The following OSTN variants were observed in gnomAD, a reference collection of about 807,000 sequenced individuals.
The protein encoded by OSTN is osteocrin.
In OSTN, 9 loss-of-function variants were observed where a neutral mutation model predicts 12.0. The observed-to-expected ratio is 0.75, with a 90% CI of 0.45 to 1.30. OSTN has a LOEUF of 1.30. OSTN is among the 50% of genes most tolerant of loss of function. The pLI, the probability that OSTN is intolerant of heterozygous loss-of-function variation, is 0.00. For missense variants in OSTN, 148 were observed against 152.3 expected, an observed-to-expected ratio of 0.97 and a Z score of 0.15; for synonymous variants, 59 against 56.9, an observed-to-expected ratio of 1.04 and a Z score of -0.16.
At chr3:191,249,830 A>G (rs1008447661) in intron 3 of OSTN, among the ~76,000 whole-genome samples, 1 of 152,158 alleles carries the variant, frequency 6.6e-6, no homozygotes, top group Non-Finnish European at 1.5e-5. Context: ...GTTTCCTCAT[A>G]TGTAAAATGG....
intron 3 of OSTN, among the ~76,000 whole-genome samples, chr3:191,221,849 C>T (rs1233086968): frequency 1.3e-5 from 2 of 152,210 alleles, no homozygotes; most frequent in Non-Finnish European, 2.9e-5. Flanking sequence ...TTCACAGCAG[C>T]CCCTCCCATC....
intron 3 of OSTN, among the ~76,000 whole-genome samples, chr3:191,234,991 T>C (rs1167460961): frequency 3.3e-5 from 5 of 152,142 alleles, no homozygotes; most frequent in Admixed American, 2.0e-4. Flanking sequence ...GCCAGCAAAA[T>C]TATACACATT....
chr3:191,243,171 T>C lies in OSTN; in HGVS notation c.318-6866T>C, dbSNP rs112407707. ...CCACAATACAAGGATTAGCATAAAT[T>C]TGAAATAATAGGAACTATCATACAC... On this transcript the variant is annotated intron_variant, in intron 3 of 4. Coordinates refer to ENST00000682035, the MANE Select transcript of OSTN (RefSeq NM_198184.2). Among the ~76,000 whole-genome samples, 781 of 152,226 alleles carry C rather than the reference T, an allele frequency of 5.1e-3. 7 individuals are homozygous for C. The highest frequency in any genetic ancestry group is 0.018 in the African/African-American group (752 of 41,530).
rs1429281316 is a variant in OSTN at position 191,263,528 on chromosome 3, A to C, written c.*675A>C. On this transcript the variant is annotated 3_prime_UTR_variant, in exon 5 of 5. Coordinates refer to ENST00000682035, the MANE Select transcript of OSTN (RefSeq NM_198184.2). ...TTTCTAAATTCTGACAGTTAAGAGC[A>C]GTAGTGTCTCATTAGGAGGGGAGTA... 2 of 152,200 alleles carry C rather than the reference A, an allele frequency of 1.3e-5. No individual in the cohort carries two copies. The highest frequency in any genetic ancestry group is 6.5e-5 in the Admixed American group (1 of 15,286). 9.4% of individuals were successfully genotyped at this position (152,200 alleles called of 1,614,324 possible). A position where few individuals can be genotyped will look rare whatever the true frequency, so the allele number is the denominator to read the frequency against.
At chr3:191,217,172 A>G (rs370574778) in intron 2 of OSTN, 1 of 152,282 alleles carries the variant, frequency 6.6e-6, no homozygotes, top group South Asian at 2.1e-4. Context: ...GAATGAATGC[A>G]GGAGGAACTG....
intron 3 of OSTN, among the ~76,000 whole-genome samples, chr3:191,241,167 CTTT>C (rs575332839): frequency 1.8e-3 from 82 of 46,418 alleles, no homozygotes; most frequent in African/African-American, 3.4e-3. Context: ...TGTGCCTTGA[CTTT>C]TTTTTTTTTT....
intron 3 of OSTN, among the ~76,000 whole-genome samples, chr3:191,219,470 C>T (rs76336572): frequency 6.6e-6 from 1 of 152,118 alleles, no homozygotes; most frequent in Non-Finnish European, 1.5e-5. Flanking sequence ...GTATCTTATC[C>T]TCTCTGATCC....
rs780883425 is a variant in OSTN, at chr3:191,262,989, C to T, written c.*136C>T. On this transcript the variant is annotated 3_prime_UTR_variant, in exon 5 of 5. Transcript: ENST00000682035. ...CTGCAAATCCTTTCCAAAGCTTGAA[C>T]TTCAGTCCATCACATTACAGCATTG... 3.0e-6 allele frequency: 2 copies of T among 662,608 alleles called. No individual in the cohort carries two copies. The highest frequency in any genetic ancestry group is 5.6e-6 in the Non-Finnish European group (2 of 360,230). 41.0% of individuals were successfully genotyped at this position (662,608 alleles called of 1,614,324 possible).
chr3:191,226,405 G>T (rs1438773871), intron 3 of OSTN, among the ~76,000 whole-genome samples: 1 of 152,130 alleles, frequency 6.6e-6, no homozygotes, highest in East Asian at 1.9e-4. Context: ...TGATGTACAT[G>T]TATGTGTGTG....
At chr3:191,212,987 C>T (rs990251037) in intron 2 of OSTN, among the ~76,000 whole-genome samples, 8 of 149,626 alleles carry the variant, frequency 5.3e-5, no homozygotes, top group African/African-American at 2.0e-4. Flanking sequence ...TCTCCTGCCT[C>T]AGCCTCCCAA....
At chr3:191,233,078 A>G (rs1715101591) in intron 3 of OSTN, among the ~76,000 whole-genome samples, 1 of 152,232 alleles carries the variant, frequency 6.6e-6, no homozygotes, top group African/African-American at 2.4e-5. Context: ...ACTATAAAAT[A>G]TCAGAAAAGA....
intron 4 of OSTN, among the ~76,000 whole-genome samples, chr3:191,262,213 A>G (rs955414022): frequency 5.9e-5 from 9 of 152,146 alleles, no homozygotes; most frequent in African/African-American, 2.2e-4. Context: ...TCCATCTCAA[A>G]AAAGAAAAAA....
At chr3:191,200,683 G>C (rs1032576447) in intron 1 of OSTN, among the ~76,000 whole-genome samples, 5 of 152,062 alleles carry the variant, frequency 3.3e-5, no homozygotes, top group Non-Finnish European at 1.5e-5. Context: ...TAGGGATACT[G>C]AGTATAAAAA....
chr3:191,226,317 G>A (rs1008176057), intron 3 of OSTN, among the ~76,000 whole-genome samples: 1 of 152,042 alleles, frequency 6.6e-6, no homozygotes, highest in Non-Finnish European at 1.5e-5. Context: ...TGACAGAAGA[G>A]GTATTTGACA....
At chr3:191,240,926 G>A (rs950857641) in intron 3 of OSTN, among the ~76,000 whole-genome samples, 2 of 152,198 alleles carry the variant, frequency 1.3e-5, no homozygotes, top group African/African-American at 4.8e-5. Context: ...TTCCACAATA[G>A]TCTATTGATT....
intron 1 of OSTN, among the ~76,000 whole-genome samples, chr3:191,200,316 T>A (rs188825242): frequency 2.0e-5 from 3 of 152,244 alleles, no homozygotes; most frequent in Admixed American, 6.5e-5. Flanking sequence ...ATTCAGAGTG[T>A]TTAAGGTTGA....
Position 191,250,025 on chromosome 3 carries a change from G to T in OSTN, c.318-12G>T. ...CCTTTAGTTTAAAAATGTCCTCCTT[G>T]GTTTGTTTCAGGAAAGTAGTAGATC... is the stretch of plus-strand genomic sequence containing the variant. On this transcript the variant is annotated splice_polypyrimidine_tract_variant and intron_variant, in intron 3 of 4. Coordinates refer to ENST00000682035, the MANE Select transcript of OSTN (RefSeq NM_198184.2). The T allele has an allele frequency of 6.2e-7, 1 of 1,601,426 alleles. No homozygotes were observed. Among genetic ancestry groups the T allele is most frequent in the Non-Finnish European group, 8.6e-7 (1 of 1,168,688 alleles).
intron 3 of OSTN, among the ~76,000 whole-genome samples, chr3:191,231,941 C>A (rs867287395): frequency 6.6e-6 from 1 of 151,940 alleles, no homozygotes; most frequent in Non-Finnish European, 1.5e-5. Flanking sequence ...TTATCAAAAA[C>A]AATTTTTTAA....
chr3:191,215,964 A>G (rs1405591503), intron 2 of OSTN, among the ~76,000 whole-genome samples: 3 of 151,806 alleles, frequency 2.0e-5, no homozygotes, highest in Admixed American at 1.3e-4. Context: ...CAGGGCTCCG[A>G]CCCCACATTT....
Sources: allele counts gnomAD v4.1 joint callset (sites outside exome capture counted in the v4.1 genomes callset), GRCh38; gene constraint gnomAD v4.1.1; transcripts MANE v1.5; gene names NCBI Gene and HGNC (gene_info 2026-07-23, HGNC 2026-07-21).